The following CCDC178 variants were observed in gnomAD, a reference collection of about 807,000 sequenced individuals.
CCDC178 encodes coiled-coil domain-containing protein 178.
Under a neutral mutation model 117.4 loss-of-function variants are expected in CCDC178, and 126 were observed. That is an observed-to-expected ratio of 1.07 (90% CI 0.93 to 1.24). CCDC178 has a LOEUF of 1.24. Among genes scored for constraint, CCDC178 ranks in the 50% most tolerant of loss-of-function variants. The pLI is 0.00. For synonymous variants in CCDC178, 283 were observed against 313.4 expected, an observed-to-expected ratio of 0.90 and a Z score of 1.02; for missense variants, 1,030 against 986.9, an observed-to-expected ratio of 1.04 and a Z score of -0.59.
intron 5 of CCDC178, among the ~76,000 whole-genome samples, chr18:33,377,794 TC>T (rs774685288): frequency 2.4e-3 from 373 of 152,282 alleles, no homozygotes; most frequent in African/African-American, 8.4e-3. Flanking sequence ...TCCATTCTTT[TC>T]CATTGATCTA....
chr18:33,399,501 T>C (rs1379632247), intron 3 of CCDC178, among the ~76,000 whole-genome samples: 1 of 152,246 alleles, frequency 6.6e-6, no homozygotes, highest in East Asian at 1.9e-4. Flanking sequence ...GCCAATTATG[T>C]TTATGCAGTA....
chr18:33,166,850 GA>G (rs1302115351), intron 20 of CCDC178, among the ~76,000 whole-genome samples: 1 of 152,088 alleles, frequency 6.6e-6, no homozygotes, highest in Non-Finnish European at 1.5e-5. Flanking sequence ...TTGTCTCAGG[GA>G]TTGATGAAGA....
chr18:33,344,294 G>A (rs183637140), intron 9 of CCDC178, among the ~76,000 whole-genome samples: 6 of 115,772 alleles, frequency 5.2e-5, no homozygotes, highest in Middle Eastern at 8.8e-3. Flanking sequence ...CTGGGCGACA[G>A]AGCGAGACTC....
At chr18:33,422,892 A>G (rs1239043546) in intron 2 of CCDC178, among the ~76,000 whole-genome samples, 1 of 152,208 alleles carries the variant, frequency 6.6e-6, no homozygotes. Flanking sequence ...AGTTTTTATT[A>G]GAATATTTAC....
intron 18 of CCDC178, among the ~76,000 whole-genome samples, chr18:33,219,078 C>T (rs1032100752): frequency 4.6e-5 from 7 of 152,084 alleles, no homozygotes; most frequent in African/African-American, 1.7e-4. Flanking sequence ...TTATTCCTAT[C>T]GATCAACATG....
chr18:33,278,385 A>G (rs905490822), intron 12 of CCDC178, among the ~76,000 whole-genome samples: 2 of 150,846 alleles, frequency 1.3e-5, no homozygotes, highest in South Asian at 2.1e-4. Context: ...TTTTGGCTAC[A>G]CTGAAATAGT....
At chr18:33,155,157 G>A (rs999864657) in intron 20 of CCDC178, among the ~76,000 whole-genome samples, 2 of 152,074 alleles carry the variant, frequency 1.3e-5, no homozygotes, top group East Asian at 3.9e-4. Flanking sequence ...TTTGTACAAC[G>A]TATGTTCTCT....
At chr18:33,147,356 A>ATTTTTTTTTTTTTTTTT (rs575608507) in intron 20 of CCDC178, among the ~76,000 whole-genome samples, 3 of 94,638 alleles carry the variant, frequency 3.2e-5, no homozygotes, top group Non-Finnish European at 6.3e-5. Flanking sequence ...TGCCTTTTTA[A>ATTTTTTTTTTTTTTTTT]TTTTTTTTTT....
Position 33,407,384 on chromosome 18 carries a change from G to A in CCDC178, c.58+4647C>T, listed in dbSNP as rs1381292296. ...TAAGCAACCAAATTTAAAATATGTG[G>A]GACAGCAAACTCAAAGAAAGTAGAA... On this transcript the variant is annotated intron_variant, in intron 3 of 22. Transcript: ENST00000383096. Among the ~76,000 whole-genome samples the A allele has an allele frequency of 3.3e-5, 5 of 151,808 alleles. No individual in the cohort carries two copies. In the East Asian group the frequency reaches 9.7e-4, roughly 29 times the overall value.
chr18:33,198,597 A>G (rs1249760835), intron 20 of CCDC178, among the ~76,000 whole-genome samples: 5 of 152,194 alleles, frequency 3.3e-5, no homozygotes, highest in Admixed American at 3.3e-4. Context: ...ATCTTATGCT[A>G]TGTTTAGCAA....
intron 20 of CCDC178, among the ~76,000 whole-genome samples, chr18:33,173,651 G>A (rs1401222231): frequency 6.6e-6 from 1 of 152,128 alleles, no homozygotes; most frequent in African/African-American, 2.4e-5. Flanking sequence ...TTCATGAAAA[G>A]GGCAGAAATA....
chr18:33,330,141 G>A (rs2062645934), intron 10 of CCDC178, among the ~76,000 whole-genome samples: 3 of 151,722 alleles, frequency 2.0e-5, no homozygotes, highest in Non-Finnish European at 4.4e-5. Flanking sequence ...AAGTATTTGG[G>A]CCTCTCAGTG....
At chr18:33,122,396 TA>T (rs1042111882) in intron 20 of CCDC178, among the ~76,000 whole-genome samples, 10 of 152,172 alleles carry the variant, frequency 6.6e-5, no homozygotes, top group Non-Finnish European at 1.2e-4. Flanking sequence ...ACAGAAGGTA[TA>T]AAAATCCTGA....
upstream of CCDC178, chr18:33,440,842 C>G (rs2064378932): frequency 6.6e-6 from 1 of 152,666 alleles, no homozygotes; most frequent in African/African-American, 2.4e-5. Flanking sequence ...CGACTCCCGG[C>G]GTTTCGGCGC....
intron 21 of CCDC178, among the ~76,000 whole-genome samples, chr18:32,988,556 A>G (rs2032168961): frequency 6.6e-6 from 1 of 152,196 alleles, no homozygotes; most frequent in Non-Finnish European, 1.5e-5. Flanking sequence ...TTATGCTTAT[A>G]TTAGAAAAGA....
At chr18:32,992,027 C>T (rs929874235) in intron 21 of CCDC178, among the ~76,000 whole-genome samples, 8 of 152,088 alleles carry the variant, frequency 5.3e-5, no homozygotes. Context: ...GGTACATAAG[C>T]TGTAAGTCAA....
chr18:33,435,353 T>C (rs916280331), intron 2 of CCDC178, among the ~76,000 whole-genome samples: 3 of 152,180 alleles, frequency 2.0e-5, no homozygotes, highest in African/African-American at 7.2e-5. Context: ...GTTCTATGAT[T>C]GCAGAAAAGT....
intron 10 of CCDC178, among the ~76,000 whole-genome samples, chr18:33,329,068 G>T (rs1285606799): frequency 6.6e-6 from 1 of 151,870 alleles, no homozygotes; most frequent in African/African-American, 2.4e-5. Context: ...ATATGGAATT[G>T]TTTTCTTAAT....
chr18:33,222,322 T>C (rs2059246743), intron 18 of CCDC178, among the ~76,000 whole-genome samples: 1 of 147,642 alleles, frequency 6.8e-6, no homozygotes, highest in East Asian at 2.2e-4. Context: ...CCTTCTTCCC[T>C]CCCTTCCTTC....
Sources: gnomAD v4.1 joint callset for allele counts (sites outside exome capture counted in the v4.1 genomes callset) on GRCh38, gnomAD v4.1.1 for gene constraint, MANE v1.5 for transcripts, NCBI Gene and HGNC (gene_info 2026-07-23, HGNC 2026-07-21) for gene names.